Variants in LATS1 observed in about 807,000 individuals in gnomAD.
The protein encoded by LATS1 is large tumor suppressor kinase 1.
LATS1 carries 25 observed loss-of-function variants against 106.6 expected under a neutral mutation model. The ratio of observed to expected loss-of-function variants is 0.23; its 90% CI spans 0.17 to 0.33. The LOEUF is 0.33. Ranked by LOEUF, LATS1 falls within the 10% of genes least tolerant of loss-of-function variation. LATS1 has a pLI of 1.00. For synonymous variants in LATS1, 465 were observed against 455.6 expected (o/e 1.02, Z -0.26); for missense variants, 1,040 against 1,382.6 (o/e 0.75, Z 3.93).
At chr6:149,705,552 T>C (rs1465565058) in intron 1 of LATS1, among the ~76,000 whole-genome samples, 1 of 151,952 alleles carries the variant, frequency 6.6e-6, no homozygotes, top group African/African-American at 2.4e-5. Context: ...TTTATTATTA[T>C]TGTTATTTTA....
intron 3 of LATS1, among the ~76,000 whole-genome samples, chr6:149,686,760 C>A (rs1200471833): frequency 2.0e-5 from 3 of 152,164 alleles, no homozygotes; most frequent in Non-Finnish European, 1.5e-5. Context: ...TGAGCTCCTG[C>A]CTATTTGCTC....
chr6:149,701,451 C>A lies in LATS1; in HGVS notation c.348+328G>T, dbSNP rs114253914. On this transcript the variant is annotated intron_variant, in intron 2 of 7. Transcript: ENST00000543571. ...CCCAACAGCCACTTAGTTCACCAAG[C>A]TTGTATTTCACACAAACAGATGTCC... 1.6e-3 allele frequency among the ~76,000 whole-genome samples: 248 copies of A among 152,294 alleles called. 1 individual carries two copies. The highest frequency in any genetic ancestry group is 5.6e-3 in the African/African-American group (234 of 41,576).
At chr6:149,708,735 C>T (rs1783926359) in intron 1 of LATS1, among the ~76,000 whole-genome samples, 1 of 152,152 alleles carries the variant, frequency 6.6e-6, no homozygotes. Flanking sequence ...CCCTAAGCCA[C>T]TGGATGGAGA....
intron 4 of LATS1, among the ~76,000 whole-genome samples, chr6:149,681,703 T>C (rs1189972005): frequency 4.6e-5 from 7 of 152,210 alleles, no homozygotes; most frequent in African/African-American, 1.7e-4. Flanking sequence ...TTTATTAAAA[T>C]CATTTTAAAA....
intron 1 of LATS1, among the ~76,000 whole-genome samples, chr6:149,704,982 T>C (rs1031742958): frequency 6.7e-6 from 1 of 149,442 alleles, no homozygotes; most frequent in African/African-American, 2.5e-5. Flanking sequence ...CTAGAGGTAG[T>C]TTCCTGATGA....
intron 7 of LATS1, among the ~76,000 whole-genome samples, chr6:149,674,238 C>T: frequency 6.6e-6 from 1 of 151,008 alleles, no homozygotes; most frequent in Non-Finnish European, 1.5e-5. Flanking sequence ...CCACACCCAG[C>T]TAATATTTGT....
chr6:149,680,272 T>G lies in LATS1; in HGVS notation c.2196A>C (p.Ala732=). 1 of 1,613,936 alleles carries G rather than the reference T, an allele frequency of 6.2e-7. No individual in the cohort carries two copies. The highest frequency in any genetic ancestry group is 8.5e-7 in the Non-Finnish European group (1 of 1,180,014). Reference sequence around the variant, plus strand: ...CATCTTTCTTTCGAAGAGTTTTTGTTGCATACAAAGCCTTAGTATCTACTT... The same window carrying G: ...CATCTTTCTTTCGAAGAGTTTTTGTGGCATACAAAGCCTTAGTATCTACTT... ...ARKVDTKALY[A]TKTLRKKDVL... Residue 732 remains alanine (A), a synonymous_variant, in exon 5 of 8, where the codon GCA becomes GCC. Coordinates refer to ENST00000543571, the MANE Select transcript of LATS1 (RefSeq NM_004690.4).
chr6:149,678,174 A>C lies in LATS1; in HGVS notation c.2594-1437T>G, dbSNP rs1324763833. On this transcript the variant is annotated intron_variant, in intron 5 of 7. Transcript: ENST00000543571. ...TCTCTACTAAAAATCCAAAAAAAAA[A>C]AAAAAAAAAAAAAAAAAAAAATAGC... is the stretch of plus-strand genomic sequence containing the variant. Among the ~76,000 whole-genome samples the C allele has an allele frequency of 5.0e-3, 726 of 143,824 alleles. 16 individuals carry two copies. The highest frequency in any genetic ancestry group is 8.7e-3 in the Non-Finnish European group (570 of 65,506). The allele number at this position is 143,824 out of a possible 152,430, so 94.4% of individuals were successfully genotyped here.
At chr6:149,665,422 C>T (rs985775030) in intron 7 of LATS1, among the ~76,000 whole-genome samples, 3 of 152,062 alleles carry the variant, frequency 2.0e-5, no homozygotes, top group African/African-American at 4.8e-5. Context: ...CTCTGTTGCT[C>T]GTTTTCTCTC....
intron 2 of LATS1, among the ~76,000 whole-genome samples, chr6:149,699,027 TCATTTTA>T: frequency 6.6e-6 from 1 of 150,718 alleles, no homozygotes; most frequent in South Asian, 2.1e-4. Flanking sequence ...TTTGAGCTTT[TCATTTTA>T]CAGGGTCACC....
At chr6:149,701,756 C>A (rs200786817) in intron 2 of LATS1, 23 bp downstream of exon 2, 89 of 1,541,646 alleles carry the variant, frequency 5.8e-5, no homozygotes, top group Middle Eastern at 1.7e-4. Context: ...AGAATCCTTT[C>A]TTTTGTCTTT....
chr6:149,679,827 AT>A, intron 5 of LATS1, 47 bp downstream of exon 5: 1 of 1,308,820 alleles, frequency 7.6e-7, no homozygotes, highest in Non-Finnish European at 1.1e-6. Flanking sequence ...ACATCAATAA[AT>A]TACATTATTA....
At chr6:149,685,692 T>A (rs929683822) in intron 3 of LATS1, among the ~76,000 whole-genome samples, 3 of 152,170 alleles carry the variant, frequency 2.0e-5, no homozygotes, top group African/African-American at 7.2e-5. Flanking sequence ...GGCCTTTTAA[T>A]ATGGTTTTTA....
At chr6:149,682,415 C>CTTTTTTT (rs869175355) in intron 4 of LATS1, among the ~76,000 whole-genome samples, 6 of 138,334 alleles carry the variant, frequency 4.3e-5, no homozygotes, top group Non-Finnish European at 6.3e-5. Context: ...TTTCTTTTTT[C>CTTTTTTT]TTTTTTTTTT....
intron 4 of LATS1, among the ~76,000 whole-genome samples, chr6:149,681,084 C>T (rs999756868): frequency 1.3e-5 from 2 of 152,100 alleles, no homozygotes; most frequent in South Asian, 2.1e-4. Context: ...ACACAAATTG[C>T]AAAGGGTTTC....
At chr6:149,688,331 G>A (rs1782524148) in intron 3 of LATS1, among the ~76,000 whole-genome samples, 1 of 151,558 alleles carries the variant, frequency 6.6e-6, no homozygotes, top group South Asian at 2.1e-4. Context: ...TTTTTGACAT[G>A]GAGTCTTCGC....
chr6:149,688,930 G>A (rs905144922), intron 3 of LATS1, among the ~76,000 whole-genome samples: 3 of 151,926 alleles, frequency 2.0e-5, no homozygotes, highest in African/African-American at 7.2e-5. Context: ...CACTTTAGGA[G>A]GCCGAGGTGG....
intron 7 of LATS1, among the ~76,000 whole-genome samples, chr6:149,662,591 G>A (rs1162320473): frequency 2.0e-5 from 3 of 152,016 alleles, no homozygotes; most frequent in Non-Finnish European, 4.4e-5. Flanking sequence ...TTAAGGCTAG[G>A]GATTATGTTT....
At chr6:149,662,323 G>C (rs1243230082) in intron 7 of LATS1, 85 bp from the exon 8 acceptor site, 1 of 1,142,706 alleles carries the variant, frequency 8.8e-7, no homozygotes, top group Non-Finnish European at 1.2e-6. Flanking sequence ...AAGTCTCACT[G>C]GGCTATTTTT....
Sources: allele counts gnomAD v4.1 joint callset (sites outside exome capture counted in the v4.1 genomes callset), GRCh38; gene constraint gnomAD v4.1.1; transcripts MANE v1.5; gene names NCBI Gene and HGNC (gene_info 2026-07-23, HGNC 2026-07-21).